ABLIM3: variants seen among roughly 807,000 people sequenced by gnomAD.
ABLIM3 encodes actin-binding LIM protein 3.
Under a neutral mutation model 109.5 loss-of-function variants are expected in ABLIM3, and 61 were observed. The observed-to-expected ratio is 0.56, with a 90% CI of 0.45 to 0.69. ABLIM3 has a LOEUF of 0.69. Ranked by LOEUF, ABLIM3 falls within the 30% of genes least tolerant of loss-of-function variation. The pLI is 0.00. For missense variants in ABLIM3, 796 were observed against 889.5 expected, an observed-to-expected ratio of 0.89 and a Z score of 1.34; for synonymous variants, 300 against 324.8, an observed-to-expected ratio of 0.92 and a Z score of 0.82.
chr5:149,158,313 C>G (rs1174431044), intron 2 of ABLIM3, among the ~76,000 whole-genome samples: 1 of 152,050 alleles, frequency 6.6e-6, no homozygotes, highest in Non-Finnish European at 1.5e-5. Context: ...CATGTGTGCT[C>G]CTAATTCAAA....
Position 149,198,173 on chromosome 5 carries a change from C to A in ABLIM3, c.152-46C>A. The A allele has an allele frequency of 1.3e-6, 2 of 1,561,080 alleles. No individual in the cohort carries two copies. The highest frequency in any genetic ancestry group is 2.3e-5 in the East Asian group (1 of 44,238). ...CAGCGAGGACCTTCTGCTTACAGAC[C>A]CTCCCTGGACTCAACCTGCCCTTGT... On this transcript the variant is annotated intron_variant, in intron 3 of 23. Coordinates refer to ENST00000309868, the MANE Select transcript of ABLIM3 (RefSeq NM_014945.5). The surrounding 1 kb of genome is among the most constrained non-coding windows in gnomAD (Gnocchi z 4.2).
intron 18 of ABLIM3, among the ~76,000 whole-genome samples, chr5:149,249,479 A>G (rs1299505931): frequency 6.6e-6 from 1 of 152,192 alleles, no homozygotes; most frequent in African/African-American, 2.4e-5. Context: ...CTGCCTGACC[A>G]CTGAGGGCCA....
At chr5:149,162,707 T>C (rs10044814) in intron 2 of ABLIM3, among the ~76,000 whole-genome samples, 122,931 of 152,120 alleles carry the variant, frequency 0.81, 49,915 homozygotes, top group African/African-American at 0.89. Context: ...GAACATCCTG[T>C]GTGCCCCTCC....
intron 3 of ABLIM3, among the ~76,000 whole-genome samples, chr5:149,189,080 C>CA (rs1257210206): frequency 6.6e-6 from 1 of 152,002 alleles, no homozygotes; most frequent in Middle Eastern, 3.2e-3. Context: ...TAATTTTCAA[C>CA]AAGGCTGTTG....
At position 149,198,485 on chromosome 5, in the gene ABLIM3, T is replaced by G; in HGVS notation, c.335+83T>G. 6.8e-7 allele frequency: 1 copy of G among 1,461,132 alleles called. No individual in the cohort carries two copies. The highest frequency in any genetic ancestry group is 1.4e-5 in the South Asian group (1 of 69,814). The allele number at this position is 1,461,132 out of a possible 1,614,324, so 90.5% of individuals were successfully genotyped here. ...AGACCTGGCTTTTTCCAGGAAGTTC[T>G]GGGGTTTACAAGGTTTGTGCTGCAC... is the stretch of plus-strand genomic sequence containing the variant. On this transcript the variant is annotated intron_variant, in intron 4 of 23. Coordinates refer to ENST00000309868, the MANE Select transcript of ABLIM3 (RefSeq NM_014945.5). This position sits in a 1 kb window ranked among gnomAD's most constrained non-coding sequence, Gnocchi z 4.2.
At chr5:149,224,373 T>A (rs1231684799) in intron 8 of ABLIM3, among the ~76,000 whole-genome samples, 1 of 152,196 alleles carries the variant, frequency 6.6e-6, no homozygotes, top group East Asian at 1.9e-4. Flanking sequence ...TCATGGTAAC[T>A]AAACACTTTT....
intron 9 of ABLIM3, among the ~76,000 whole-genome samples, chr5:149,231,973 T>C (rs547107181): frequency 6.6e-6 from 1 of 152,328 alleles, no homozygotes; most frequent in South Asian, 2.1e-4. Context: ...ATGTTTAAAA[T>C]CCTAGCTAGA....
At chr5:149,223,971 G>A (rs909368002) in intron 8 of ABLIM3, among the ~76,000 whole-genome samples, 5 of 152,112 alleles carry the variant, frequency 3.3e-5, no homozygotes, top group African/African-American at 1.2e-4. Flanking sequence ...ATGATAATCA[G>A]CCAGTTATAT....
intron 23 of ABLIM3, among the ~76,000 whole-genome samples, chr5:149,254,181 A>C (rs2018446): frequency 0.92 from 139,744 of 152,112 alleles, 64,345 homozygotes; most frequent in African/African-American, 0.98. Flanking sequence ...CACAGCCAAG[A>C]CATATCAATG....
chr5:149,157,692 A>G (rs1403180501), intron 2 of ABLIM3, among the ~76,000 whole-genome samples: 3 of 151,914 alleles, frequency 2.0e-5, no homozygotes, highest in Non-Finnish European at 2.9e-5. Context: ...TTCCATTGAG[A>G]TTGCTGAGCT....
At chr5:149,240,941 C>T (rs902808017) in intron 14 of ABLIM3, among the ~76,000 whole-genome samples, 167 bp downstream of exon 14, 1 of 152,220 alleles carries the variant, frequency 6.6e-6, no homozygotes, top group Non-Finnish European at 1.5e-5. Flanking sequence ...AACACACCCA[C>T]GGGCTTCAGA....
At chr5:149,248,339 G>C (rs1022986035) in intron 18 of ABLIM3, among the ~76,000 whole-genome samples, 15 of 152,178 alleles carry the variant, frequency 9.9e-5, no homozygotes, top group Non-Finnish European at 1.5e-5. Flanking sequence ...GCCCTGAGCA[G>C]TCACTCCCAT....
At position 149,246,471 on chromosome 5, in the gene ABLIM3, T is replaced by G. The variant is rs1434665253; in HGVS notation, c.1487-11T>G. The stretch of plus-strand genomic sequence containing the variant: ...CACATGCCGGAGCTGATCTTTTCTG[T>G]CTTTTGACAGTGCCCCGAGCCAGAA... On this transcript the variant is annotated splice_polypyrimidine_tract_variant and intron_variant, in intron 16 of 23. Transcript: ENST00000309868. 6.2e-7 allele frequency: 1 copy of G among 1,613,910 alleles called. No individual in the cohort carries two copies. Among genetic ancestry groups the G allele is most frequent in the South Asian group, 1.1e-5 (1 of 91,058 alleles).
chr5:149,228,840 A>AT (rs1369041605), intron 8 of ABLIM3, among the ~76,000 whole-genome samples: 1 of 152,074 alleles, frequency 6.6e-6, no homozygotes. Context: ...GTTAATGGCC[A>AT]TTTTTGGCTC....
chr5:149,239,984 G>T, intron 13 of ABLIM3, 96 bp downstream of exon 13: 1 of 1,458,658 alleles, frequency 6.9e-7, no homozygotes, highest in Non-Finnish European at 9.0e-7. Context: ...GCTCCCCCAT[G>T]ATCTCCATCA....
intron 11 of ABLIM3, 81 bp downstream of exon 11, chr5:149,237,684 C>T (rs1252169007): frequency 9.6e-6 from 15 of 1,557,722 alleles, no homozygotes; most frequent in Non-Finnish European, 1.3e-5. Flanking sequence ...CCATCACAGA[C>T]AGTTTGGCCT....
At chr5:149,195,132 A>T (rs1203521585) in intron 3 of ABLIM3, among the ~76,000 whole-genome samples, 2 of 152,172 alleles carry the variant, frequency 1.3e-5, no homozygotes, top group Non-Finnish European at 2.9e-5. Flanking sequence ...ATGTGTCCTC[A>T]GTTAACCACC....
chr5:149,141,734 C>G, intron 1 of ABLIM3, 80 bp downstream of exon 1: 1 of 277,552 alleles, frequency 3.6e-6, no homozygotes, highest in Non-Finnish European at 6.8e-6. Context: ...GTGGTCCACA[C>G]CCCCTTTGGG....
chr5:149,163,127 A>G (rs918674894), intron 2 of ABLIM3, among the ~76,000 whole-genome samples: 2 of 152,172 alleles, frequency 1.3e-5, no homozygotes, highest in African/African-American at 4.8e-5. Flanking sequence ...AAGTCATTGA[A>G]TGGTTTTAAG....
Sources: allele counts gnomAD v4.1 joint callset (sites outside exome capture counted in the v4.1 genomes callset), GRCh38; gene constraint gnomAD v4.1.1; non-coding constraint Gnocchi (gnomAD v3.1); transcripts MANE v1.5; gene names NCBI Gene and HGNC (gene_info 2026-07-23, HGNC 2026-07-21).